MKRN1: variants seen among roughly 807,000 people sequenced by gnomAD.
MKRN1 encodes the protein makorin ring finger protein 1, also known as E3 ubiquitin-protein ligase makorin-1.
In MKRN1, 9 loss-of-function variants were observed where a neutral mutation model predicts 55.5. The ratio of observed to expected loss-of-function variants is 0.16; its 90% CI spans 0.10 to 0.28. The LOEUF is 0.28. Among genes scored for constraint, MKRN1 ranks in the 10% least tolerant of loss-of-function variants. The pLI, the probability that MKRN1 is intolerant of heterozygous loss-of-function variation, is 1.00. For missense variants in MKRN1, 488 were observed against 626.7 expected, an observed-to-expected ratio of 0.78 and a Z score of 2.36; for synonymous variants, 253 against 235.9, an observed-to-expected ratio of 1.07 and a Z score of -0.66.
intron 3 of MKRN1, among the ~76,000 whole-genome samples, 188 bp from the exon 4 acceptor site, chr7:140,459,421 TAAA>T (rs56916081): frequency 3.4e-5 from 5 of 148,394 alleles, no homozygotes; most frequent in South Asian, 2.1e-4. Context: ...ATTAGACTTG[TAAA>T]AAAAAAAAAT....
intron 2 of MKRN1, among the ~76,000 whole-genome samples, chr7:140,470,428 T>C (rs563885230): frequency 2.7e-4 from 40 of 148,878 alleles, no homozygotes; most frequent in African/African-American, 9.2e-4. Context: ...CTACTAAAAA[T>C]ACAAAAATTA....
intron 1 of MKRN1, 120 bp downstream of exon 1, chr7:140,479,040 C>T: frequency 8.5e-7 from 1 of 1,179,188 alleles, no homozygotes; most frequent in Non-Finnish European, 1.1e-6. Context: ...ATCGAGACAA[C>T]GCCGGTCCCC....
chr7:140,456,739 C>T lies in MKRN1; in HGVS notation c.899G>A (p.Gly300Glu). 6.2e-7 allele frequency: 1 copy of T among 1,614,030 alleles called. No individual in the cohort carries two copies. Among genetic ancestry groups the T allele is most frequent in the Non-Finnish European group, 8.5e-7 (1 of 1,179,958 alleles). Reference protein sequence around the residue: ...EKANPSERRFGILSNCNHTYC... With the variant: ...EKANPSERRFEILSNCNHTYC... ...GGTGTGGTTGCAGTTGGAGAGGATC[C>T]CGAAGCGGCGCTCACTGGGGTTGGC... Residue 300 changes from glycine to glutamate, a missense_variant, in exon 5 of 8, where the codon GGG (glycine) becomes GAG (glutamate). Transcript: ENST00000255977.
chr7:140,471,702 T>G (rs1241555813), intron 2 of MKRN1, among the ~76,000 whole-genome samples, 181 bp downstream of exon 2: 1 of 152,144 alleles, frequency 6.6e-6, no homozygotes, highest in East Asian at 1.9e-4. Context: ...ACTTCCAAGA[T>G]CAAGCAATCC....
intron 5 of MKRN1, chr7:140,456,373 T>A (rs1384773957): frequency 7.7e-7 from 1 of 1,290,944 alleles, no homozygotes; most frequent in East Asian, 3.7e-5. Flanking sequence ...GTTTGTTCAC[T>A]GAGCCTAAAC....
chr7:140,461,627 T>A (rs936460983), intron 2 of MKRN1, among the ~76,000 whole-genome samples: 2 of 145,480 alleles, frequency 1.4e-5, no homozygotes, highest in African/African-American at 5.1e-5. Context: ...AGAGTGAGAC[T>A]CTGTTTCAAA....
Position 140,459,184 on chromosome 7 carries a change from T to C in MKRN1, c.594A>G (p.Glu198=). 3 of 1,613,958 alleles carry C rather than the reference T, an allele frequency of 1.9e-6. No individual in the cohort carries two copies. The highest frequency in any genetic ancestry group is 2.5e-6 in the Non-Finnish European group (3 of 1,179,866). ...CGGCGGTTTGCTCTTTCTCTGATTCTTCCTTGGTCACTGAGCCCTGCAGGG... is the reference window on the plus strand; with the variant it reads ...CGGCGGTTTGCTCTTTCTCTGATTCCTCCTTGGTCACTGAGCCCTGCAGGG... ...EAPLQGSVTK[E]ESEKEQTAVE... Residue 198 remains glutamate (E), a synonymous_variant, in exon 4 of 8, where the codon GAA becomes GAG. Transcript: ENST00000255977.
At position 140,463,614 on chromosome 7, in the gene MKRN1, G is replaced by A. The variant is rs138147788; in HGVS notation, c.315-3678C>T. Among the ~76,000 whole-genome samples the A allele has an allele frequency of 4.3e-3, 657 of 152,168 alleles. 3 individuals carry two copies. The highest frequency in any genetic ancestry group is 0.014 in the African/African-American group (564 of 41,540). On this transcript the variant is annotated intron_variant, in intron 2 of 7. Transcript: ENST00000255977. ...TAGAAATCCAGCCCAGGCTGGACGC[G>A]GTGGCTCACGCCTGTAATCCCAGCA...
In MKRN1 at chr7:140,471,984, T is replaced by G; in HGVS notation, c.213A>C (p.Glu71Asp). 2 of 1,614,152 alleles carry G rather than the reference T, an allele frequency of 1.2e-6. No homozygotes were observed. Among genetic ancestry groups the G allele is most frequent in the East Asian group, 4.5e-5 (2 of 44,882 alleles). Residue 71 changes from glutamate (E) to aspartate (D), a missense_variant, in exon 2 of 8, where the codon GAA becomes GAC. Glu to Asp is a conservative substitution (Grantham distance 45, BLOSUM62 2). Coordinates refer to ENST00000255977, the MANE Select transcript of MKRN1 (RefSeq NM_013446.4). ...CATGCGAGTAGCGACAGTTGTCTCC[T>G]TCCTTACAAACCCCATGCATAAAAT... Reference protein sequence around the residue: ...CRYFMHGVCKEGDNCRYSHDL... With the variant: ...CRYFMHGVCKDGDNCRYSHDL...
chr7:140,466,228 A>C (rs1420303251), intron 2 of MKRN1, among the ~76,000 whole-genome samples: 1 of 152,210 alleles, frequency 6.6e-6, no homozygotes, highest in Non-Finnish European at 1.5e-5. Context: ...GCCTGTACTC[A>C]ACAATTATCA....
Position 140,455,767 on chromosome 7 carries a change from A to T in MKRN1, c.1097+23T>A, listed in dbSNP as rs761136056. On this transcript the variant is annotated intron_variant, in intron 6 of 7. Transcript: ENST00000255977. Reference sequence around the variant, plus strand: ...CAAGCTCTGTTGGGCTCTTCGCTTGAGAAAAGGCTGCAGTGCTCATACCTC... The same window carrying T: ...CAAGCTCTGTTGGGCTCTTCGCTTGTGAAAAGGCTGCAGTGCTCATACCTC... The T allele has an allele frequency of 2.5e-6, 4 of 1,571,376 alleles. No homozygotes were observed. The South Asian group carries it at 4.4e-5, about 17-fold the overall frequency.
At chr7:140,466,213 T>C (rs1794761031) in intron 2 of MKRN1, among the ~76,000 whole-genome samples, 1 of 152,200 alleles carries the variant, frequency 6.6e-6, no homozygotes, top group African/African-American at 2.4e-5. Context: ...TAATCACCTA[T>C]ATCAGCCTGT....
chr7:140,455,673 G>T, intron 6 of MKRN1, 117 bp downstream of exon 6: 1 of 770,626 alleles, frequency 1.3e-6, no homozygotes. Flanking sequence ...AAACTGTCCT[G>T]GGAAGTCAAA....
intron 1 of MKRN1, among the ~76,000 whole-genome samples, chr7:140,477,246 T>C (rs1795150534): frequency 6.6e-6 from 1 of 151,866 alleles, no homozygotes; most frequent in Non-Finnish European, 1.5e-5. Context: ...TGCACAACAA[T>C]AAAAAACTGT....
rs148479842 is a variant in MKRN1 at position 140,471,917 on chromosome 7, G to C, written c.280C>G (p.Gln94Glu). The C allele has an allele frequency of 1.5e-5, 25 of 1,613,926 alleles. No homozygotes were observed. The African/African-American group carries it at 3.2e-4, about 21-fold the overall frequency. Residue 94 changes from glutamine to glutamate, a missense_variant, in exon 2 of 8, where the codon CAG becomes GAG. Gln to Glu is a conservative substitution (Grantham distance 29, BLOSUM62 2). Coordinates refer to ENST00000255977, the MANE Select transcript of MKRN1 (RefSeq NM_013446.4). The part of the protein sequence containing the change: ...SPYSVVCKYF[Q>E]RGYCIYGDRC... Reference sequence around the variant, plus strand: ...TCTCCATAAATACAGTACCCTCGCTGAAAATACTTGCACACTACACTATAC... The same window carrying C: ...TCTCCATAAATACAGTACCCTCGCTCAAAATACTTGCACACTACACTATAC...
chr7:140,473,992 CAAAAAAAA>C (rs750043239), intron 1 of MKRN1, among the ~76,000 whole-genome samples: 12 of 15,208 alleles, frequency 7.9e-4, no homozygotes, highest in African/African-American at 2.5e-3. Context: ...AACTCCGTCT[CAAAAAAAA>C]AAAAAAAAGA....
intron 2 of MKRN1, 170 bp from the exon 3 acceptor site, chr7:140,460,106 G>A (rs761228073): frequency 1.9e-5 from 12 of 632,150 alleles, no homozygotes; most frequent in Admixed American, 1.7e-4. Context: ...AAAATTAGCT[G>A]GGCATGGTGG....
intron 2 of MKRN1, 67 bp downstream of exon 2, chr7:140,471,816 T>TCA: frequency 6.4e-7 from 1 of 1,569,478 alleles, no homozygotes; most frequent in South Asian, 1.1e-5. Flanking sequence ...TATAAAGCTA[T>TCA]CAGAAGTATG....
chr7:140,459,724 T>C lies in MKRN1; in HGVS notation c.527A>G (p.Gln176Arg). The C allele has an allele frequency of 6.2e-7, 1 of 1,613,976 alleles. No homozygotes were observed. Among genetic ancestry groups the C allele is most frequent in the Non-Finnish European group, 8.5e-7 (1 of 1,179,850 alleles). ...WVNAIEFVPG[Q>R]PYCGRTAPSC... ...ATACTTACTACGGCCACAGTAGGGT[T>C]GCCCAGGAACAAACTCAATAGCATT... The change falls in exon 3 of 8, where the codon CAA (glutamine) becomes CGA (arginine). Residue 176 changes from glutamine (Q) to arginine (R), a missense_variant. Physicochemically the swap from Gln to Arg is conservative, Grantham distance 43 (BLOSUM62 1). Transcript: ENST00000255977.
Sources: allele counts gnomAD v4.1 joint callset (sites outside exome capture counted in the v4.1 genomes callset), GRCh38; gene constraint gnomAD v4.1.1; transcripts MANE v1.5; gene names NCBI Gene and HGNC (gene_info 2026-07-23, HGNC 2026-07-21).